The following POU6F2 variants were observed in gnomAD, a reference collection of about 807,000 sequenced individuals.
POU6F2 encodes the protein POU domain, class 6, transcription factor 2.
A neutral mutation model predicts 71.3 loss-of-function variants in POU6F2; 31 were observed. The observed-to-expected ratio is 0.43, with a 90% CI of 0.33 to 0.59. The LOEUF (loss-of-function observed/expected upper bound fraction) is 0.59. Among genes scored for constraint, POU6F2 ranks in the 20% least tolerant of loss-of-function variants. The pLI is 0.04. For missense variants in POU6F2, 783 were observed against 856.8 expected, an observed-to-expected ratio of 0.91 and a Z score of 1.07; for synonymous variants, 347 against 355.7, an observed-to-expected ratio of 0.98 and a Z score of 0.27.
chr7:38,984,427 C>T (rs1315549294), intron 1 of POU6F2: 4 of 152,008 alleles, frequency 2.6e-5, no homozygotes, highest in South Asian at 2.1e-4. Flanking sequence ...GACAAGACCT[C>T]GAGCAAAACA....
chr7:39,424,178 C>G (rs1045631731), intron 6 of POU6F2, among the ~76,000 whole-genome samples: 7 of 152,150 alleles, frequency 4.6e-5, no homozygotes, highest in Admixed American at 6.5e-5. Flanking sequence ...TAATCACTTT[C>G]CAAAGGCCTC....
At chr7:38,979,806 G>A (rs376380797) in intron 1 of POU6F2, among the ~76,000 whole-genome samples, 21 of 152,166 alleles carry the variant, frequency 1.4e-4, no homozygotes, top group African/African-American at 2.2e-4. Context: ...TCTTAATACC[G>A]TGCAGAATTA....
chr7:39,288,360 G>A (rs906547247), intron 4 of POU6F2, among the ~76,000 whole-genome samples: 1 of 152,188 alleles, frequency 6.6e-6, no homozygotes, highest in African/African-American at 2.4e-5. Context: ...ATCCTCAGCT[G>A]TCACAGGGGC....
chr7:39,406,487 C>T, intron 5 of POU6F2, 113 bp from the exon 6 acceptor site: 1 of 1,306,638 alleles, frequency 7.7e-7, no homozygotes, highest in Non-Finnish European at 1.1e-6. Context: ...GGTTCCAGGC[C>T]CTTTGCATGA....
At chr7:39,302,911 A>G (rs1257936539) in intron 4 of POU6F2, among the ~76,000 whole-genome samples, 1 of 152,236 alleles carries the variant, frequency 6.6e-6, no homozygotes, top group African/African-American at 2.4e-5. Context: ...AATGTGCATC[A>G]GAATCACTTG....
At chr7:39,243,879 A>C (rs764461810) in intron 4 of POU6F2, among the ~76,000 whole-genome samples, 1 of 152,108 alleles carries the variant, frequency 6.6e-6, no homozygotes, top group Non-Finnish European at 1.5e-5. Context: ...AGTACAGCCT[A>C]TTTTTAGTGC....
intron 1 of POU6F2, among the ~76,000 whole-genome samples, chr7:38,978,925 T>C (rs975587235): frequency 1.3e-5 from 2 of 152,206 alleles, no homozygotes; most frequent in Non-Finnish European, 2.9e-5. Context: ...GTTAAAATGT[T>C]TGCGTTGTAA....
rs182607755 is a variant in POU6F2 at position 39,314,410 on chromosome 7, T to C, written c.599-25232T>C. On this transcript the variant is annotated intron_variant, in intron 4 of 9. Coordinates refer to ENST00000518318, the MANE Select transcript of POU6F2 (RefSeq NM_001370959.1). ...GAAGCAAGCTTCAGTATTTCTTTGA[T>C]GTAAGGGTAAAAGACCTTATGTGAG... Among the ~76,000 whole-genome samples the C allele has an allele frequency of 2.3e-3, 356 of 152,350 alleles. 1 individual carries two copies. The highest frequency in any genetic ancestry group is 8.2e-3 in the African/African-American group (343 of 41,588).
intron 2 of POU6F2, among the ~76,000 whole-genome samples, chr7:39,141,539 G>T (rs1399319919): frequency 2.0e-5 from 3 of 152,150 alleles, no homozygotes; most frequent in Non-Finnish European, 4.4e-5. Flanking sequence ...TGCATTCTTT[G>T]TATGTCTTAA....
chr7:39,354,423 C>T (rs1310361585), intron 5 of POU6F2, among the ~76,000 whole-genome samples: 1 of 152,120 alleles, frequency 6.6e-6, no homozygotes, highest in African/African-American at 2.4e-5. Flanking sequence ...GGTTCTTCAA[C>T]TAGGACATGG....
At position 39,435,717 on chromosome 7, in the gene POU6F2, G is replaced by C. The variant is rs1211119797; in HGVS notation, c.1320+2434G>C. 2.0e-5 allele frequency among the ~76,000 whole-genome samples: 3 copies of C among 152,172 alleles called. No individual in the cohort carries two copies. The East Asian group carries it at 5.8e-4, about 29-fold the overall frequency. On this transcript the variant is annotated intron_variant, in intron 7 of 9. Coordinates refer to ENST00000518318, the MANE Select transcript of POU6F2 (RefSeq NM_001370959.1). Reference sequence around the variant, plus strand: ...AAGTCTTTGCCCATGCCTATGTCCTGAATGGTATTGCCTAGGTTTTCTTCT... The same window carrying C: ...AAGTCTTTGCCCATGCCTATGTCCTCAATGGTATTGCCTAGGTTTTCTTCT...
intron 4 of POU6F2, among the ~76,000 whole-genome samples, chr7:39,225,652 G>A (rs897687312): frequency 1.3e-5 from 2 of 152,266 alleles, no homozygotes; most frequent in African/African-American, 2.4e-5. Context: ...CCACATCCAC[G>A]ACATTCATAG....
chr7:39,137,750 C>T lies in POU6F2; in HGVS notation c.277+51719C>T, dbSNP rs1792415804. On this transcript the variant is annotated intron_variant, in intron 2 of 9. Coordinates refer to ENST00000518318, the MANE Select transcript of POU6F2 (RefSeq NM_001370959.1). ...CCCCAATAGCATTACTCTTTATAAA[C>T]CCTATGTACCTCTTTATAATCCCAT... Among the ~76,000 whole-genome samples the T allele has an allele frequency of 2.0e-5, 3 of 152,292 alleles. No homozygotes were observed. In the South Asian group the frequency reaches 6.2e-4, roughly 32 times the overall value.
chr7:39,037,805 T>C lies in POU6F2; in HGVS notation c.106-48055T>C, dbSNP rs147377434. ...GAGGTTCTTTGTGCCATCGGCCTGA[T>C]TGTTTAGCACTACCATCAGTAGAGG... On this transcript the variant is annotated intron_variant, in intron 1 of 9. Transcript: ENST00000518318. Among the ~76,000 whole-genome samples the C allele has an allele frequency of 8.3e-3, 1,270 of 152,156 alleles. 23 individuals are homozygous for C. Among genetic ancestry groups the C allele is most frequent in the African/African-American group, 0.029 (1,197 of 41,536 alleles).
At chr7:39,296,965 T>C (rs1032469518) in intron 4 of POU6F2, among the ~76,000 whole-genome samples, 2 of 152,146 alleles carry the variant, frequency 1.3e-5, no homozygotes, top group African/African-American at 4.8e-5. Context: ...ACATGCTCTG[T>C]AACCCCAAGG....
chr7:39,404,949 G>A (rs1787389546), intron 5 of POU6F2: 1 of 152,174 alleles, frequency 6.6e-6, no homozygotes, highest in African/African-American at 2.4e-5. Context: ...TCCCATGGTG[G>A]TAATCTGGGA....
At chr7:39,372,705 C>A (rs532836082) in intron 5 of POU6F2, among the ~76,000 whole-genome samples, 158 of 152,302 alleles carry the variant, frequency 1.0e-3, no homozygotes, top group Admixed American at 2.5e-3. Context: ...CAAGTTGACA[C>A]ATAAAATTAA....
At chr7:39,138,444 C>T (rs1001607606) in intron 2 of POU6F2, among the ~76,000 whole-genome samples, 4 of 152,210 alleles carry the variant, frequency 2.6e-5, no homozygotes, top group African/African-American at 9.6e-5. Flanking sequence ...CTCTTCATCA[C>T]TCACATTACC....
At chr7:39,291,826 C>T (rs562188662) in intron 4 of POU6F2, among the ~76,000 whole-genome samples, 8 of 152,210 alleles carry the variant, frequency 5.3e-5, no homozygotes, top group South Asian at 2.1e-4. Flanking sequence ...ATTCAGCTGA[C>T]GAATGAGCGG....
Sources: gnomAD v4.1 joint callset for allele counts (sites outside exome capture counted in the v4.1 genomes callset) on GRCh38, gnomAD v4.1.1 for gene constraint, MANE v1.5 for transcripts, NCBI Gene and HGNC (gene_info 2026-07-23, HGNC 2026-07-21) for gene names.